Variants in RARB observed in about 807,000 individuals in gnomAD.
The protein encoded by RARB is retinoic acid receptor beta.
A neutral mutation model predicts 51.9 loss-of-function variants in RARB; 17 were observed. The ratio of observed to expected loss-of-function variants is 0.33; its 90% CI spans 0.22 to 0.49. RARB has a LOEUF of 0.49. Among genes scored for constraint, RARB ranks in the 20% least tolerant of loss-of-function variants. The pLI is 0.99. For missense variants in RARB, 369 were observed against 550.8 expected, an observed-to-expected ratio of 0.67 and a Z score of 3.30; for synonymous variants, 215 against 195.4, an observed-to-expected ratio of 1.10 and a Z score of -0.84.
chr3:25,162,612 C>A (rs928254187), intron 4 of RARB, among the ~76,000 whole-genome samples: 3 of 152,196 alleles, frequency 2.0e-5, no homozygotes, highest in African/African-American at 7.2e-5. Context: ...CTGACAACTA[C>A]TAATCTACTT....
intron 2 of RARB, among the ~76,000 whole-genome samples, chr3:24,925,912 A>G (rs537164085): frequency 2.6e-4 from 39 of 152,108 alleles, no homozygotes; most frequent in Non-Finnish European, 4.7e-4. Flanking sequence ...ACCAACGTGT[A>G]AGTTATTTTG....
At chr3:24,835,586 C>T (rs1031223157) in intron 1 of RARB, among the ~76,000 whole-genome samples, 1 of 152,126 alleles carries the variant, frequency 6.6e-6, no homozygotes, top group Non-Finnish European at 1.5e-5. Flanking sequence ...AAGAAACAGC[C>T]TTAACAAGGT....
chr3:24,927,438 C>T (rs775553732), intron 2 of RARB, among the ~76,000 whole-genome samples: 1 of 152,002 alleles, frequency 6.6e-6, no homozygotes, highest in Non-Finnish European at 1.5e-5. Context: ...TTCTGCACGG[C>T]AATGGAATGC....
chr3:25,202,200 A>G (rs1031202319), intron 5 of RARB, among the ~76,000 whole-genome samples: 1 of 152,088 alleles, frequency 6.6e-6, no homozygotes, highest in Non-Finnish European at 1.5e-5. Flanking sequence ...CATTTCTTCT[A>G]GATTTTCTAG....
chr3:24,970,093 T>C (rs558567530), intron 2 of RARB, among the ~76,000 whole-genome samples: 1 of 152,202 alleles, frequency 6.6e-6, no homozygotes, highest in Admixed American at 6.6e-5. Flanking sequence ...GACTCAACTT[T>C]GTTTTTGTAG....
intron 5 of RARB, among the ~76,000 whole-genome samples, chr3:25,413,091 T>A (rs1223302056): frequency 6.6e-6 from 1 of 152,114 alleles, no homozygotes; most frequent in African/African-American, 2.4e-5. Context: ...TTTGTACCTT[T>A]TTTAAATCCT....
At chr3:24,997,645 A>T (rs775663430) in intron 2 of RARB, among the ~76,000 whole-genome samples, 4 of 152,090 alleles carry the variant, frequency 2.6e-5, no homozygotes, top group Admixed American at 6.6e-5. Context: ...TTGGCCTCCT[A>T]AAGTGCTAGT....
chr3:25,182,834 T>C (rs1700888322), intron 5 of RARB, among the ~76,000 whole-genome samples: 2 of 152,206 alleles, frequency 1.3e-5, no homozygotes, highest in African/African-American at 4.8e-5. Flanking sequence ...ATGAGGTTAT[T>C]AGGGTGAGCC....
chr3:25,131,367 C>T (rs1416620633), intron 3 of RARB, among the ~76,000 whole-genome samples: 2 of 152,004 alleles, frequency 1.3e-5, no homozygotes, highest in Non-Finnish European at 2.9e-5. Flanking sequence ...AGATATCGCA[C>T]TAGAAATAAT....
At chr3:24,913,342 C>G (rs933812462) in intron 2 of RARB, among the ~76,000 whole-genome samples, 1 of 150,132 alleles carries the variant, frequency 6.7e-6, no homozygotes, top group Non-Finnish European at 1.5e-5. Flanking sequence ...AATTTACAGA[C>G]AATTGTAGAG....
At chr3:24,966,134 A>G (rs564250104) in intron 2 of RARB, among the ~76,000 whole-genome samples, 5 of 150,088 alleles carry the variant, frequency 3.3e-5, no homozygotes, top group African/African-American at 7.4e-5. Flanking sequence ...TTGTTAAATT[A>G]TTTTTCTTTG....
At chr3:24,975,556 C>T (rs1696492372) in intron 2 of RARB, among the ~76,000 whole-genome samples, 1 of 152,098 alleles carries the variant, frequency 6.6e-6, no homozygotes, top group South Asian at 2.1e-4. Context: ...CTATAATTTG[C>T]TCTAACATCC....
At chr3:24,866,191 A>G (rs531703048) in intron 2 of RARB, among the ~76,000 whole-genome samples, 14 of 151,910 alleles carry the variant, frequency 9.2e-5, no homozygotes, top group African/African-American at 3.1e-4. Context: ...ATCTCTTACC[A>G]TTCTCTTATG....
chr3:24,920,759 G>A (rs1238961688), intron 2 of RARB, among the ~76,000 whole-genome samples: 1 of 152,148 alleles, frequency 6.6e-6, no homozygotes, highest in East Asian at 1.9e-4. Context: ...CCTCCAAACA[G>A]CCAACTTTGT....
intron 2 of RARB, among the ~76,000 whole-genome samples, chr3:24,925,839 A>G (rs1462312950): frequency 6.6e-6 from 1 of 151,942 alleles, no homozygotes; most frequent in Non-Finnish European, 1.5e-5. Flanking sequence ...GTTATTCTAT[A>G]ATCTCATCCC....
At chr3:25,420,990 C>CAAA (rs376170107) in intron 5 of RARB, among the ~76,000 whole-genome samples, 705 of 62,386 alleles carry the variant, frequency 0.011, 12 homozygotes, top group African/African-American at 0.013. Flanking sequence ...ACCACTTATG[C>CAAA]CAAAAAAAAA....
chr3:24,941,451 C>T (rs556896818), intron 2 of RARB, among the ~76,000 whole-genome samples: 3 of 151,236 alleles, frequency 2.0e-5, no homozygotes, highest in Non-Finnish European at 2.9e-5. Context: ...CTCACTGCAA[C>T]CTCCGCCTCC....
At chr3:25,202,450 A>G (rs1701418820) in intron 5 of RARB, among the ~76,000 whole-genome samples, 1 of 151,546 alleles carries the variant, frequency 6.6e-6, no homozygotes, top group Non-Finnish European at 1.5e-5. Flanking sequence ...TTCTGCTCTG[A>G]TCTTAGTTAT....
chr3:25,388,442 A>T (rs1477514919), intron 5 of RARB, among the ~76,000 whole-genome samples: 1 of 152,234 alleles, frequency 6.6e-6, no homozygotes, highest in African/African-American at 2.4e-5. Context: ...GCATTACAAT[A>T]TACTTAGTTT....
Sources: gnomAD v4.1 joint callset for allele counts (sites outside exome capture counted in the v4.1 genomes callset) on GRCh38, gnomAD v4.1.1 for gene constraint, MANE v1.5 for transcripts, NCBI Gene and HGNC (gene_info 2026-07-23, HGNC 2026-07-21) for gene names.